Variants in DMD observed in about 807,000 individuals in gnomAD.
DMD encodes dystrophin, also known as mutant dystrophin.
Under a neutral mutation model 330.1 loss-of-function variants are expected in DMD, and 63 were observed. The observed-to-expected ratio is 0.19, with a 90% CI of 0.16 to 0.24. DMD has a LOEUF of 0.24. DMD is among the 10% of genes least tolerant of loss of function. The probability of loss-of-function intolerance (pLI) is 1.00; values close to 1 mark genes in which losing one functional copy is unlikely to be tolerated. For synonymous variants in DMD, 1,223 were observed against 959.8 expected (o/e 1.27, Z -5.07); for missense variants, 3,344 against 2,684.1 (o/e 1.25, Z -5.43).
At chrX:31,561,107 A>G (rs1445193437) in intron 55 of DMD, among the ~76,000 whole-genome samples, 1 of 112,259 alleles carries the variant, frequency 8.9e-6, no homozygotes, top group Non-Finnish European at 1.9e-5. Flanking sequence ...GTAATGAGCC[A>G]CATACTGTCT....
chrX:31,350,715 T>G (rs143393998), intron 60 of DMD, among the ~76,000 whole-genome samples: 1 of 108,517 alleles, frequency 9.2e-6, no homozygotes, highest in East Asian at 2.9e-4. Flanking sequence ...CTGAGTGCAC[T>G]GACTGCAGGT....
At chrX:31,888,636 C>G (rs2094189522) in intron 47 of DMD, among the ~76,000 whole-genome samples, 2 of 111,868 alleles carry the variant, frequency 1.8e-5, no homozygotes. Flanking sequence ...GCAAAGATAT[C>G]TTCCCAGGCA....
At chrX:32,388,066 C>T (rs2097971995) in intron 32 of DMD, among the ~76,000 whole-genome samples, 1 of 111,423 alleles carries the variant, frequency 9.0e-6, no homozygotes, top group African/African-American at 3.3e-5. Flanking sequence ...AAAAACTAAA[C>T]AGTGTAAGGA....
intron 62 of DMD, 122 bp downstream of exon 62, chrX:31,323,476 G>GA: frequency 6.3e-5 from 39 of 614,751 alleles, no homozygotes; most frequent in Non-Finnish European, 7.8e-5. Flanking sequence ...GCTTCCTCAG[G>GA]AAAAAAAAGA....
At chrX:31,635,840 A>G (rs1569152289) in intron 54 of DMD, among the ~76,000 whole-genome samples, 2 of 111,943 alleles carry the variant, frequency 1.8e-5, no homozygotes, top group Non-Finnish European at 3.8e-5. Context: ...ACCAACAAGC[A>G]TATGAAAAAA....
In DMD at chrX:31,178,820, A is replaced by G. The variant is rs778559908; in HGVS notation, c.10087-15T>C. On this transcript the variant is annotated splice_polypyrimidine_tract_variant and intron_variant, in intron 69 of 78. Transcript: ENST00000357033. Reference sequence around the variant, plus strand: ...CCTGATGTAGTCTAAAAGGGAGATCATGGTGAGATCAGATTTAGGACAGGA... The same window carrying G: ...CCTGATGTAGTCTAAAAGGGAGATCGTGGTGAGATCAGATTTAGGACAGGA... The G allele has an allele frequency of 1.6e-5, 19 of 1,207,347 alleles. No homozygotes were observed. In the East Asian group the frequency reaches 5.0e-4, roughly 32 times the overall value.
intron 44 of DMD, among the ~76,000 whole-genome samples, chrX:31,975,335 G>A (rs1287237820): frequency 1.8e-5 from 2 of 111,835 alleles, no homozygotes; most frequent in East Asian, 5.6e-4. Flanking sequence ...TTTGCAAAGC[G>A]AATAGGTTTT....
chrX:32,666,127 T>C (rs1489938036), intron 9 of DMD, among the ~76,000 whole-genome samples: 1 of 109,329 alleles, frequency 9.1e-6, no homozygotes, highest in Non-Finnish European at 1.9e-5. Flanking sequence ...TCTTAGAGTG[T>C]ATTGGACGTG....
intron 50 of DMD, among the ~76,000 whole-genome samples, chrX:31,785,757 A>G (rs1735841230): frequency 9.0e-6 from 1 of 111,227 alleles, no homozygotes; most frequent in Admixed American, 9.6e-5. Flanking sequence ...AGCTTCATCC[A>G]TGTCCTTACA....
chrX:31,973,601 TC>T (rs997433707), intron 44 of DMD, among the ~76,000 whole-genome samples: 1 of 111,047 alleles, frequency 9.0e-6, no homozygotes, highest in African/African-American at 3.3e-5. Context: ...CAAGCTTAGC[TC>T]CAATGCCCAG....
chrX:32,829,634 C>G (rs1409738062), intron 4 of DMD, among the ~76,000 whole-genome samples: 3 of 111,555 alleles, frequency 2.7e-5, no homozygotes, highest in African/African-American at 9.7e-5. Flanking sequence ...TTTACAATTT[C>G]TTAAGATGCA....
At chrX:32,653,405 T>C (rs2060313115) in intron 9 of DMD, among the ~76,000 whole-genome samples, 4 of 112,082 alleles carry the variant, frequency 3.6e-5, no homozygotes, top group Admixed American at 1.9e-4. Context: ...CACCATTTAT[T>C]AAATAGGGAA....
chrX:33,155,737 T>C (rs2048479384), intron 1 of DMD, among the ~76,000 whole-genome samples: 1 of 108,686 alleles, frequency 9.2e-6, no homozygotes, highest in Admixed American at 1.0e-4. Flanking sequence ...GGTGGGAAGA[T>C]CACTTGAGGC....
intron 1 of DMD, among the ~76,000 whole-genome samples, chrX:33,082,377 C>A (rs985748673): frequency 8.9e-6 from 1 of 112,172 alleles, no homozygotes; most frequent in Non-Finnish European, 1.9e-5. Flanking sequence ...TAAGAAGTTT[C>A]TTTTTACAAG....
intron 1 of DMD, among the ~76,000 whole-genome samples, chrX:33,209,439 C>G (rs1040902133): frequency 3.0e-4 from 33 of 111,513 alleles, no homozygotes; most frequent in Non-Finnish European, 5.1e-4. Flanking sequence ...TAATTCTTTA[C>G]AATGCATTAT....
intron 17 of DMD, 73 bp downstream of exon 17, chrX:32,545,086 A>C (rs1453852105): frequency 5.8e-6 from 6 of 1,041,276 alleles, no homozygotes; most frequent in African/African-American, 3.7e-5. Context: ...TGAAGTGAAA[A>C]CACCACCAAC....
At chrX:32,619,726 C>T (rs2057850702) in intron 11 of DMD, among the ~76,000 whole-genome samples, 1 of 111,557 alleles carries the variant, frequency 9.0e-6, no homozygotes, top group Non-Finnish European at 1.9e-5. Context: ...ATATGTTTCG[C>T]TCAGTAGACT....
intron 57 of DMD, among the ~76,000 whole-genome samples, chrX:31,480,373 C>T (rs2068166506): frequency 1.8e-5 from 2 of 111,500 alleles, no homozygotes; most frequent in Non-Finnish European, 3.8e-5. Context: ...AAAGGGAAGG[C>T]GTTTGAACCA....
At chrX:31,553,496 C>T (rs980853017) in intron 55 of DMD, among the ~76,000 whole-genome samples, 7 of 112,191 alleles carry the variant, frequency 6.2e-5, no homozygotes, top group Non-Finnish European at 1.1e-4. Context: ...AACCTAACAG[C>T]TGTAAGGGAT....
Sources: allele counts gnomAD v4.1 joint callset (sites outside exome capture counted in the v4.1 genomes callset), GRCh38; gene constraint gnomAD v4.1.1; transcripts MANE v1.5; gene names NCBI Gene and HGNC (gene_info 2026-07-23, HGNC 2026-07-21).